The following GLP2R variants were observed in gnomAD, a reference collection of about 807,000 sequenced individuals.
The protein encoded by GLP2R is glucagon-like peptide 2 receptor.
In GLP2R, 59 loss-of-function variants were observed where a neutral mutation model predicts 68.2. The ratio of observed to expected loss-of-function variants is 0.87; its 90% CI spans 0.70 to 1.07. GLP2R has a LOEUF of 1.07. GLP2R is among the 50% of genes least tolerant of loss of function. The pLI, the probability that GLP2R is intolerant of heterozygous loss-of-function variation, is 0.00. For synonymous variants in GLP2R, 270 were observed against 265.4 expected (o/e 1.02, Z -0.17); for missense variants, 548 against 677.4 (o/e 0.81, Z 2.12).
intron 4 of GLP2R, among the ~76,000 whole-genome samples, chr17:9,846,851 G>T (rs771619348): frequency 4.6e-5 from 7 of 152,308 alleles, no homozygotes; most frequent in Non-Finnish European, 1.0e-4. Flanking sequence ...TTCACACTAA[G>T]GAGACAAACT....
intron 3 of GLP2R, among the ~76,000 whole-genome samples, chr17:9,838,745 T>G (rs868783849): frequency 6.6e-6 from 1 of 151,972 alleles, no homozygotes; most frequent in African/African-American, 2.4e-5. Flanking sequence ...AGAATCCAAA[T>G]GGATCCCTGC....
At chr17:9,865,121 A>G (rs934210846) in intron 9 of GLP2R, among the ~76,000 whole-genome samples, 2 of 152,086 alleles carry the variant, frequency 1.3e-5, no homozygotes, top group Admixed American at 1.3e-4. Context: ...CTCTACCCAG[A>G]AAATGGCTCC....
At chr17:9,885,514 G>A (rs79641416) in intron 11 of GLP2R, among the ~76,000 whole-genome samples, 2,247 of 152,030 alleles carry the variant, frequency 0.015, 70 homozygotes, top group African/African-American at 0.052. Flanking sequence ...AGACATTGAC[G>A]CTAGCTGTTG....
At chr17:9,829,122 T>C (rs578114822) in intron 1 of GLP2R, among the ~76,000 whole-genome samples, 1 of 152,304 alleles carries the variant, frequency 6.6e-6, no homozygotes, top group East Asian at 1.9e-4. Context: ...TAATGAGAAA[T>C]TCTCAGGGAT....
intron 4 of GLP2R, chr17:9,852,869 A>C: frequency 2.4e-6 from 1 of 417,668 alleles, no homozygotes; most frequent in South Asian, 2.2e-5. Context: ...TTCTGTGGAA[A>C]CTTGCTACCA....
rs114514574 is a variant in GLP2R at position 9,857,437 on chromosome 17, C to A, written c.626C>A (p.Thr209Lys). Residue 209 changes from threonine to lysine, a missense_variant, in exon 6 of 13, where the codon ACG (threonine) becomes AAG (lysine). Physicochemically the swap from Thr to Lys is moderately conservative, Grantham distance 78. Coordinates refer to ENST00000262441, the MANE Select transcript of GLP2R (RefSeq NM_004246.3). ...LLLFLRKLHC[T>K]RNYIHMNLFA... The stretch of plus-strand genomic sequence containing the variant: ...TCCTCGCACAGAAAACTCCACTGCA[C>A]GCGCAACTACATCCACATGAACTTG... 1 of 1,614,034 alleles carries A rather than the reference C, an allele frequency of 6.2e-7. No homozygotes were observed. Among genetic ancestry groups the A allele is most frequent in the African/African-American group, 1.3e-5 (1 of 74,924 alleles).
intron 10 of GLP2R, among the ~76,000 whole-genome samples, chr17:9,874,536 A>G (rs762962294): frequency 1.3e-5 from 2 of 152,022 alleles, no homozygotes; most frequent in Non-Finnish European, 2.9e-5. Flanking sequence ...GTGTGTGTCT[A>G]CCCAAAGTCC....
Position 9,833,823 on chromosome 17 carries a change from T to C in GLP2R, c.206T>C (p.Leu69Pro). 1 of 1,612,518 alleles carries C rather than the reference T, an allele frequency of 6.2e-7. No homozygotes were observed. Among genetic ancestry groups the C allele is most frequent in the Non-Finnish European group, 8.5e-7 (1 of 1,178,768 alleles). The part of the protein sequence containing the change: ...VSIKQVTGSL[L>P]EETTRKWAQY... ...TTTGCTCAGGTTACAGGATCCCTCC[T>C]TGAGGAAACGACTCGGAAGTGGGCT... Residue 69 changes from leucine to proline, a missense_variant, in exon 2 of 13, where the codon CTT becomes CCT. Physicochemically the swap from Leu to Pro is moderately conservative, Grantham distance 98. Transcript: ENST00000262441.
chr17:9,868,551 ACTCAGCCCCTTTC>A (rs2067062161), intron 9 of GLP2R, among the ~76,000 whole-genome samples: 1 of 152,056 alleles, frequency 6.6e-6, no homozygotes, highest in African/African-American at 2.4e-5. Context: ...AAATGTCCTC[ACTCAGCCCCTTTC>A]CTGCTTGTGT....
At position 9,890,160 on chromosome 17, in the gene GLP2R, A is replaced by T; in HGVS notation, c.*455A>T. 2.3e-6 allele frequency: 1 copy of T among 428,206 alleles called. No individual in the cohort carries two copies. Among genetic ancestry groups the T allele is most frequent in the South Asian group, 1.7e-5 (1 of 59,288 alleles). 26.5% of individuals were successfully genotyped at this position (428,206 alleles called of 1,614,324 possible). ...AGACTTGTGGCTAAGATTCTAAGAC[A>T]GTGAGTCTGGGACCATGGCCAGGAA... On this transcript the variant is annotated 3_prime_UTR_variant, in exon 13 of 13. Coordinates refer to ENST00000262441, the MANE Select transcript of GLP2R (RefSeq NM_004246.3).
At chr17:9,854,711 C>T (rs1176919786) in intron 5 of GLP2R, 110 bp downstream of exon 5, 11 of 731,878 alleles carry the variant, frequency 1.5e-5, no homozygotes, top group Admixed American at 5.6e-5. Flanking sequence ...AGGGGTAGAA[C>T]GAAACATAGT....
At chr17:9,835,679 T>C (rs1411860133) in intron 2 of GLP2R, among the ~76,000 whole-genome samples, 1 of 152,134 alleles carries the variant, frequency 6.6e-6, no homozygotes, top group Non-Finnish European at 1.5e-5. Context: ...ATTTAGCTGA[T>C]TGTGGAACAT....
rs553229480 is a variant in GLP2R at position 9,888,039 on chromosome 17, G to C, written c.1326+66G>C. The C allele has an allele frequency of 9.1e-5, 101 of 1,113,676 alleles. No individual in the cohort carries two copies. In the South Asian group the frequency reaches 1.2e-3, roughly 13 times the overall value. 69.0% of individuals were successfully genotyped at this position (1,113,676 alleles called of 1,614,324 possible). A position where few individuals can be genotyped will look rare whatever the true frequency, so the allele number is the denominator to read the frequency against. ...GGGACTGCAACCCTACCCACCTCTGGAGGTTTCTGTGGATGGGATGATGCT... is the reference window on the plus strand; with the variant it reads ...GGGACTGCAACCCTACCCACCTCTGCAGGTTTCTGTGGATGGGATGATGCT... On this transcript the variant is annotated intron_variant, in intron 12 of 12. Transcript: ENST00000262441.
In GLP2R at chr17:9,889,434, CCTG is replaced by C; in HGVS notation, c.1392_1394del (p.Cys465del). ...CTAGCCCGCCACTCAGGCTGCAGAGCCTGTGTCCTGGGGAAGGACTTCCGGTTC... is the reference window on the plus strand; with the variant it reads ...CTAGCCCGCCACTCAGGCTGCAGAGCTGTCCTGGGGAAGGACTTCCGGTTC... On this transcript the variant is annotated inframe_deletion, in exon 13 of 13. Coordinates refer to ENST00000262441, the MANE Select transcript of GLP2R (RefSeq NM_004246.3). 2.5e-6 allele frequency: 4 copies of C among 1,614,118 alleles called. No homozygotes were observed. Among genetic ancestry groups the C allele is most frequent in the Non-Finnish European group, 3.4e-6 (4 of 1,179,924 alleles).
At chr17:9,862,547 A>T (rs1249140305) in intron 9 of GLP2R, among the ~76,000 whole-genome samples, 1 of 152,216 alleles carries the variant, frequency 6.6e-6, no homozygotes. Flanking sequence ...TAGAATCAAG[A>T]CATAGATGCT....
chr17:9,880,292 G>A (rs930593343), intron 10 of GLP2R, 86 bp from the exon 11 acceptor site: 1 of 819,288 alleles, frequency 1.2e-6, no homozygotes, highest in Non-Finnish European at 2.0e-6. Flanking sequence ...GGTAAGAGCT[G>A]CAACAAAGTC....
chr17:9,859,628 T>TAAAAAA, intron 6 of GLP2R, among the ~76,000 whole-genome samples: 1 of 123,654 alleles, frequency 8.1e-6, no homozygotes, highest in South Asian at 2.8e-4. Flanking sequence ...CTGTGTCTAC[T>TAAAAAA]AAAAAAAAAT....
intron 9 of GLP2R, among the ~76,000 whole-genome samples, chr17:9,870,409 G>A (rs2067081305): frequency 1.3e-5 from 2 of 152,172 alleles, no homozygotes; most frequent in African/African-American, 4.8e-5. Flanking sequence ...TAATAATAAT[G>A]TGAACGTCCA....
At chr17:9,854,774 T>C (rs1435609194) in intron 5 of GLP2R, among the ~76,000 whole-genome samples, 173 bp downstream of exon 5, 2 of 152,206 alleles carry the variant, frequency 1.3e-5, no homozygotes, top group Non-Finnish European at 2.9e-5. Flanking sequence ...TCCATGTTTT[T>C]TCCTATACAT....
Sources: allele counts gnomAD v4.1 joint callset (sites outside exome capture counted in the v4.1 genomes callset), GRCh38; gene constraint gnomAD v4.1.1; transcripts MANE v1.5; gene names NCBI Gene and HGNC (gene_info 2026-07-23, HGNC 2026-07-21).